Variants in DPF3 observed in about 807,000 individuals in gnomAD.
DPF3 encodes the protein double PHD fingers 3.
DPF3 carries 18 observed loss-of-function variants against 56.8 expected under a neutral mutation model. That is an observed-to-expected ratio of 0.32 (90% CI 0.22 to 0.47). The LOEUF (loss-of-function observed/expected upper bound fraction) is 0.47, where lower values mean the gene tolerates loss of function less well. Among genes scored for constraint, DPF3 ranks in the 20% least tolerant of loss-of-function variants. DPF3 has a pLI of 1.00. For synonymous variants in DPF3, 188 were observed against 180.2 expected, an observed-to-expected ratio of 1.04 and a Z score of -0.35; for missense variants, 403 against 488.8, an observed-to-expected ratio of 0.82 and a Z score of 1.65.
At chr14:72,808,452 T>C (rs1350073886) in intron 1 of DPF3, among the ~76,000 whole-genome samples, 1 of 152,136 alleles carries the variant, frequency 6.6e-6, no homozygotes, top group Admixed American at 6.5e-5. Context: ...CTTGGTGTAA[T>C]ACTACAAGTG....
chr14:72,818,450 C>T (rs533337262), intron 1 of DPF3, among the ~76,000 whole-genome samples: 184 of 152,182 alleles, frequency 1.2e-3, no homozygotes, highest in Middle Eastern at 6.8e-3. Flanking sequence ...GAGACCAAGA[C>T]GGGAGGATCA....
intron 7 of DPF3, among the ~76,000 whole-genome samples, chr14:72,682,974 A>G (rs1004512830): frequency 2.6e-5 from 4 of 152,250 alleles, no homozygotes; most frequent in Admixed American, 2.6e-4. Flanking sequence ...CTGACTGAAC[A>G]TCAGTCTTGG....
intron 1 of DPF3, among the ~76,000 whole-genome samples, chr14:72,817,193 G>A (rs559488221): frequency 4.4e-4 from 67 of 152,210 alleles, no homozygotes; most frequent in South Asian, 2.3e-3. Context: ...ACCAACCCAG[G>A]TAAGCCTAAA....
intron 8 of DPF3, among the ~76,000 whole-genome samples, chr14:72,656,672 A>T (rs1294131554): frequency 6.6e-6 from 1 of 152,186 alleles, no homozygotes; most frequent in African/African-American, 2.4e-5. Flanking sequence ...GGGTGACTTC[A>T]TATGTGATCA....
chr14:72,835,661 G>C (rs1235905603), intron 1 of DPF3, among the ~76,000 whole-genome samples: 1 of 152,124 alleles, frequency 6.6e-6, no homozygotes, highest in Non-Finnish European at 1.5e-5. Context: ...TCCACAGCTG[G>C]GGGAGGAGAC....
chr14:72,657,645 C>G (rs570039541), intron 8 of DPF3, among the ~76,000 whole-genome samples: 1 of 152,258 alleles, frequency 6.6e-6, no homozygotes, highest in South Asian at 2.1e-4. Context: ...ACCACCACCC[C>G]CAACTGAGCA....
At chr14:72,704,142 C>T (rs1021997970) in intron 6 of DPF3, among the ~76,000 whole-genome samples, 4 of 152,208 alleles carry the variant, frequency 2.6e-5, no homozygotes, top group African/African-American at 9.7e-5. Context: ...CAAATCCTAG[C>T]TTTCTGACTC....
rs1883985677 is a variant in DPF3, at chr14:72,614,789, A to AAAAAAAAAAAAT, written c.*4507_*4508insATTTTTTTTTTT. The stretch of plus-strand genomic sequence containing the variant: ...ATCACAAGCCTCAGAAAAAAAAAAA[A>AAAAAAAAAAAAT]GAGTTACAATCACTGTTCACTCCCA... On this transcript the variant is annotated 3_prime_UTR_variant, in exon 11 of 11. Coordinates refer to ENST00000556509, the MANE Select transcript of DPF3 (RefSeq NM_001280542.3). Among the ~76,000 whole-genome samples, 2 of 150,560 alleles carry AAAAAAAAAAAAT rather than the reference A, an allele frequency of 1.3e-5. No homozygotes were observed. The highest frequency in any genetic ancestry group is 3.0e-5 in the Non-Finnish European group (2 of 67,668).
intron 1 of DPF3, among the ~76,000 whole-genome samples, chr14:72,865,241 A>T (rs1885615703): frequency 6.6e-6 from 1 of 152,240 alleles, no homozygotes; most frequent in Non-Finnish European, 1.5e-5. Context: ...TGCCCAAGAC[A>T]GGCAAGGTCT....
intron 2 of DPF3, among the ~76,000 whole-genome samples, chr14:72,759,550 A>G (rs1318054525): frequency 6.6e-6 from 1 of 151,326 alleles, no homozygotes; most frequent in African/African-American, 2.4e-5. Context: ...ACAGAGAGAG[A>G]CAGAGAAAGG....
chr14:72,810,363 A>C (rs1567240728), intron 1 of DPF3, among the ~76,000 whole-genome samples: 1 of 152,198 alleles, frequency 6.6e-6, no homozygotes, highest in East Asian at 1.9e-4. Flanking sequence ...GGTCCAGGAC[A>C]CAGAGGAAGG....
At chr14:72,766,056 C>T (rs754216191) in intron 2 of DPF3, among the ~76,000 whole-genome samples, 25 of 152,092 alleles carry the variant, frequency 1.6e-4, no homozygotes, top group Admixed American at 9.2e-4. Context: ...GAAACCTTTG[C>T]GAGTCATGGA....
chr14:72,866,236 T>A (rs908440450), intron 1 of DPF3, among the ~76,000 whole-genome samples: 1 of 151,162 alleles, frequency 6.6e-6, no homozygotes, highest in Non-Finnish European at 1.5e-5. Flanking sequence ...CAGACTGAGG[T>A]CACCTCAGTC....
At chr14:72,736,882 T>G (rs781105988) in intron 3 of DPF3, among the ~76,000 whole-genome samples, 106 of 151,804 alleles carry the variant, frequency 7.0e-4, no homozygotes, top group Non-Finnish European at 1.1e-3. Context: ...CACACATAAT[T>G]CATCTTTAAA....
At chr14:72,844,245 TC>T (rs1884663098) in intron 1 of DPF3, among the ~76,000 whole-genome samples, 1 of 152,170 alleles carries the variant, frequency 6.6e-6, no homozygotes, top group South Asian at 2.1e-4. Context: ...CCTCCACACA[TC>T]TGGACATTAA....
chr14:72,785,226 G>A (rs972753249), intron 1 of DPF3, among the ~76,000 whole-genome samples: 3 of 152,224 alleles, frequency 2.0e-5, no homozygotes, highest in African/African-American at 7.2e-5. Context: ...TAGTGGCATA[G>A]CTAATATTTA....
chr14:72,893,967 C>A, intron 1 of DPF3, 90 bp downstream of exon 1: 2 of 1,516,784 alleles, frequency 1.3e-6, no homozygotes, highest in Non-Finnish European at 1.8e-6. Flanking sequence ...CCTGCAAGCG[C>A]AATGCTCTGG....
intron 1 of DPF3, among the ~76,000 whole-genome samples, chr14:72,869,328 A>C (rs1885801850): frequency 6.6e-6 from 1 of 152,190 alleles, no homozygotes; most frequent in Admixed American, 6.5e-5. Flanking sequence ...AGCTTCATAA[A>C]GATAGGGTCT....
intron 1 of DPF3, among the ~76,000 whole-genome samples, chr14:72,834,625 A>C (rs556221887): frequency 2.0e-4 from 30 of 152,274 alleles, no homozygotes; most frequent in Admixed American, 1.6e-3. Flanking sequence ...GTCACTGTGG[A>C]AAACAGCTTG....
Sources: gnomAD v4.1 joint callset for allele counts (sites outside exome capture counted in the v4.1 genomes callset) on GRCh38, gnomAD v4.1.1 for gene constraint, MANE v1.5 for transcripts, NCBI Gene and HGNC (gene_info 2026-07-23, HGNC 2026-07-21) for gene names.